ZNF83: variants seen among roughly 807,000 people sequenced by gnomAD.
ZNF83 encodes the protein zinc finger protein 83, also known as zinc finger protein 816B.
For synonymous variants in ZNF83, 209 were observed against 213.0 expected, an observed-to-expected ratio of 0.98 and a Z score of 0.17; for missense variants, 552 against 629.9, an observed-to-expected ratio of 0.88 and a Z score of 1.32.
At chr19:52,681,622 C>A (rs954246699) in intron 1 of ZNF83, among the ~76,000 whole-genome samples, 21 of 152,130 alleles carry the variant, frequency 1.4e-4, no homozygotes, top group Non-Finnish European at 2.9e-5. Context: ...AGGAAAATTA[C>A]CACAAATCAA....
At chr19:52,670,360 G>A (rs1475008698) in intron 1 of ZNF83, among the ~76,000 whole-genome samples, 1 of 152,130 alleles carries the variant, frequency 6.6e-6, no homozygotes, top group Non-Finnish European at 1.5e-5. Flanking sequence ...CGCCAATAGG[G>A]GAATGACACA....
At chr19:52,652,377 G>A (rs143102383) in intron 3 of ZNF83, 3,579 of 316,432 alleles carry the variant, frequency 0.011, 122 homozygotes, top group East Asian at 0.069. Context: ...GGAGGTTGCC[G>A]TGAGCCGAGA....
chr19:52,670,910 A>G (rs532927862), intron 1 of ZNF83, among the ~76,000 whole-genome samples: 1 of 152,350 alleles, frequency 6.6e-6, no homozygotes, highest in African/African-American at 2.4e-5. Flanking sequence ...AAGATAAAAG[A>G]TGTTGGAGAC....
chr19:52,676,075 T>C (rs1600262968), intron 1 of ZNF83, among the ~76,000 whole-genome samples: 1 of 151,928 alleles, frequency 6.6e-6, no homozygotes, highest in African/African-American at 2.4e-5. Flanking sequence ...CACTGCAACC[T>C]CCCTGCCTGA....
intron 2 of ZNF83, among the ~76,000 whole-genome samples, chr19:52,619,268 A>C (rs10403520): frequency 0.28 from 42,215 of 151,854 alleles, 6,128 homozygotes; most frequent in Middle Eastern, 0.35. Flanking sequence ...TTATAAATTT[A>C]TTATGTTTGT....
intron 2 of ZNF83, among the ~76,000 whole-genome samples, chr19:52,621,325 T>C (rs559294609): frequency 3.3e-4 from 50 of 150,188 alleles, no homozygotes; most frequent in Non-Finnish European, 5.9e-4. Context: ...CAGCACCACC[T>C]TTCAATCTCT....
chr19:52,676,487 G>A (rs1344451365), intron 1 of ZNF83, among the ~76,000 whole-genome samples: 10 of 151,622 alleles, frequency 6.6e-5, no homozygotes, highest in East Asian at 2.0e-4. Flanking sequence ...TAGCCTCCCC[G>A]TCCGGGAGGG....
rs186183214 is a variant in ZNF83, at chr19:52,689,666, C to T, written c.-283+777G>A. Among the ~76,000 whole-genome samples, 933 of 152,246 alleles carry T rather than the reference C, an allele frequency of 6.1e-3. 2 individuals are homozygous for T. Among genetic ancestry groups the T allele is most frequent in the Non-Finnish European group, 9.7e-3 (662 of 68,036 alleles). On this transcript the variant is annotated intron_variant, in intron 1 of 5. Coordinates refer to the ZNF83 transcript ENST00000594682. ...TCTTTTCACTTTTGCTGTCTCTTGG[C>T]AAATCCCTCACCCATCCTCTACTTT... is the stretch of plus-strand genomic sequence containing the variant.
At chr19:52,615,231 A>G (rs556895755) in intron 2 of ZNF83, among the ~76,000 whole-genome samples, 5 of 152,352 alleles carry the variant, frequency 3.3e-5, no homozygotes, top group African/African-American at 1.2e-4. Flanking sequence ...ATAAAAAGGT[A>G]TACAACACAA....
chr19:52,619,217 T>TG (rs1200486592), intron 2 of ZNF83, among the ~76,000 whole-genome samples: 18 of 151,754 alleles, frequency 1.2e-4, no homozygotes, highest in African/African-American at 3.2e-4. Context: ...TTCCCAGTGG[T>TG]GTTTGATTAT....
At chr19:52,672,452 A>C (rs2061739415) in intron 1 of ZNF83, among the ~76,000 whole-genome samples, 1 of 152,216 alleles carries the variant, frequency 6.6e-6, no homozygotes, top group Admixed American at 6.5e-5. Context: ...AGCAAGTTTA[A>C]AAAAGCATAA....
chr19:52,678,775 A>T (rs1000274483), intron 1 of ZNF83, among the ~76,000 whole-genome samples: 5 of 152,098 alleles, frequency 3.3e-5, no homozygotes, highest in Admixed American at 2.0e-4. Context: ...AGAGTTCAAG[A>T]CCAGCCTGGC....
intron 1 of ZNF83, among the ~76,000 whole-genome samples, chr19:52,676,532 CG>C (rs2061810983): frequency 6.6e-6 from 1 of 151,566 alleles, no homozygotes; most frequent in African/African-American, 2.4e-5. Context: ...CCAGCCGCCC[CG>C]TCTGGGAGGG....
intron 2 of ZNF83, chr19:52,619,065 G>GAAATGA (rs2060432465): frequency 6.2e-7 from 1 of 1,612,790 alleles, no homozygotes; most frequent in African/African-American, 1.3e-5. Context: ...AATAGACCCT[G>GAAATGA]AAATGAAAAC....
chr19:52,684,837 G>A (rs1345116040), intron 1 of ZNF83, among the ~76,000 whole-genome samples: 2 of 152,188 alleles, frequency 1.3e-5, no homozygotes, highest in African/African-American at 4.8e-5. Context: ...CATGAGATGA[G>A]GGCAAGCTCC....
chr19:52,645,460 A>G (rs750633912), intron 3 of ZNF83, among the ~76,000 whole-genome samples: 7 of 152,222 alleles, frequency 4.6e-5, no homozygotes, highest in Non-Finnish European at 7.3e-5. Flanking sequence ...ATAGGATGCA[A>G]CAAAGGCATC....
exon 3 of ZNF83, chr19:52,614,376 G>C: frequency 6.2e-7 from 1 of 1,612,876 alleles, no homozygotes; most frequent in South Asian, 1.1e-5. Context: ...TGTGGGTTTT[G>C]ACAGTAGAAG....
At chr19:52,623,173 T>C (rs930244470) in intron 2 of ZNF83, among the ~76,000 whole-genome samples, 1 of 152,234 alleles carries the variant, frequency 6.6e-6, no homozygotes, top group Non-Finnish European at 1.5e-5. Flanking sequence ...CTCTGGCCCA[T>C]GGCTCTTTGA....
intron 1 of ZNF83, among the ~76,000 whole-genome samples, chr19:52,683,228 C>CTGTGTGTGTGTGTGTG (rs67463602): frequency 3.9e-5 from 5 of 128,058 alleles, no homozygotes; most frequent in East Asian, 4.4e-4. Context: ...CCCTGTGACT[C>CTGTGTGTGTGTGTGTG]TGTGTGTGTG....
Sources: gnomAD v4.1 joint callset for allele counts (sites outside exome capture counted in the v4.1 genomes callset) on GRCh38, gnomAD v4.1.1 for gene constraint, MANE v1.5 for transcripts, NCBI Gene and HGNC (gene_info 2026-07-23, HGNC 2026-07-21) for gene names.